OPN3: variants seen among roughly 807,000 people sequenced by gnomAD.
OPN3 encodes opsin 3.
OPN3 carries 29 observed loss-of-function variants against 33.8 expected under a neutral mutation model. That is an observed-to-expected ratio of 0.86 (90% CI 0.64 to 1.17). OPN3 has a LOEUF of 1.17. OPN3 is among the 50% of genes most tolerant of loss of function. OPN3 has a pLI of 0.00. For synonymous variants in OPN3, 216 were observed against 216.1 expected (o/e 1.00, Z 0.00); for missense variants, 437 against 514.1 (o/e 0.85, Z 1.45).
intron 1 of OPN3, among the ~76,000 whole-genome samples, chr1:241,626,161 G>A (rs948131538): frequency 3.3e-5 from 5 of 152,142 alleles, no homozygotes; most frequent in Admixed American, 2.0e-4. Flanking sequence ...CTATGATTGC[G>A]ATATATTTTA....
At position 241,634,201 on chromosome 1, in the gene OPN3, T is replaced by A; in HGVS notation, c.373+5681A>T. ...TGAATAATTTCTTCACCACTGATTCTAAGTCTTCTCTTGCTGTTTTAGAAG... is the reference window on the plus strand; with the variant it reads ...TGAATAATTTCTTCACCACTGATTCAAAGTCTTCTCTTGCTGTTTTAGAAG... On this transcript the variant is annotated intron_variant, in intron 1 of 3. Coordinates refer to ENST00000366554, the MANE Select transcript of OPN3 (RefSeq NM_014322.3). 4 of 1,614,038 alleles carry A rather than the reference T, an allele frequency of 2.5e-6. No individual in the cohort carries two copies. The Admixed American group carries it at 5.0e-5, about 20-fold the overall frequency.
At chr1:241,636,191 A>T (rs1387706456) in intron 1 of OPN3, 1 of 399,834 alleles carries the variant, frequency 2.5e-6, no homozygotes, top group East Asian at 3.6e-5. Flanking sequence ...AACCTCTACT[A>T]AAGCATGTCT....
intron 1 of OPN3, among the ~76,000 whole-genome samples, chr1:241,613,262 T>C (rs1171846366): frequency 2.0e-5 from 3 of 152,198 alleles, no homozygotes; most frequent in African/African-American, 7.2e-5. Context: ...TCTCACTTAA[T>C]CTTCATAACA....
At chr1:241,632,479 T>TCATC (rs904789814) in intron 1 of OPN3, 3 of 152,042 alleles carry the variant, frequency 2.0e-5, no homozygotes, top group African/African-American at 7.2e-5. Flanking sequence ...GTCACAGGGA[T>TCATC]CATCATACTC....
At chr1:241,601,467 G>A (rs1446667139) in intron 2 of OPN3, among the ~76,000 whole-genome samples, 5 of 152,054 alleles carry the variant, frequency 3.3e-5, no homozygotes, top group Admixed American at 6.5e-5. Flanking sequence ...CACTTTGGGA[G>A]GCCAAGGCGG....
At position 241,639,987 on chromosome 1, in the gene OPN3, C is replaced by G; in HGVS notation, c.268G>C (p.Val90Leu). 6.2e-7 allele frequency: 1 copy of G among 1,612,724 alleles called. No homozygotes were observed. The highest frequency in any genetic ancestry group is 8.5e-7 in the Non-Finnish European group (1 of 1,179,472). ...GTAAAGGTGACCCCGAAGAGGGACA[C>G]CAGCAGGTCGCTGAGGCTGATGTTG... is the stretch of plus-strand genomic sequence containing the variant. The part of the protein sequence containing the change: ...LVNISLSDLL[V>L]SLFGVTFTFV... The change falls in exon 1 of 4, where the codon GTG (valine) becomes CTG (leucine). Residue 90 changes from valine (V) to leucine (L), a missense_variant. Physicochemically the swap from Val to Leu is conservative, Grantham distance 32. Coordinates refer to ENST00000366554, the MANE Select transcript of OPN3 (RefSeq NM_014322.3).
Position 241,639,890 on chromosome 1 carries a change from C to A in OPN3, c.365G>T (p.Ser122Ile). ...CTCCCAGTCCAACTCACCGAAGAGG[C>A]TGCCGCTAAACCCGTCCCACACGCA... ...VGCVWDGFSG[S>I]LFGIVSIATL... Residue 122 changes from serine (S) to isoleucine (I), a missense_variant, in exon 1 of 4, where the codon AGC becomes ATC. Coordinates refer to ENST00000366554, the MANE Select transcript of OPN3 (RefSeq NM_014322.3). 1 of 1,577,042 alleles carries A rather than the reference C, an allele frequency of 6.3e-7. No individual in the cohort carries two copies. Among genetic ancestry groups the A allele is most frequent in the Non-Finnish European group, 8.6e-7 (1 of 1,161,014 alleles).
intron 3 of OPN3, among the ~76,000 whole-genome samples, chr1:241,596,227 G>T (rs556580740): frequency 6.6e-6 from 1 of 152,312 alleles, no homozygotes; most frequent in East Asian, 1.9e-4. Context: ...TGTTGAGAGG[G>T]TGGTCCCTAA....
At chr1:241,618,121 C>T (rs1335193204) in intron 1 of OPN3, among the ~76,000 whole-genome samples, 1 of 152,120 alleles carries the variant, frequency 6.6e-6, no homozygotes, top group Non-Finnish European at 1.5e-5. Context: ...GTTCCCAGAC[C>T]CATTCACATT....
intron 1 of OPN3, among the ~76,000 whole-genome samples, chr1:241,610,089 G>T (rs1399625284): frequency 3.3e-5 from 5 of 152,182 alleles, no homozygotes; most frequent in Non-Finnish European, 7.3e-5. Flanking sequence ...ACCCCCCAGC[G>T]GTTTTGAAGA....
At chr1:241,621,141 T>C (rs1664262112) in intron 1 of OPN3, among the ~76,000 whole-genome samples, 2 of 152,128 alleles carry the variant, frequency 1.3e-5, no homozygotes, top group South Asian at 2.1e-4. Context: ...AAAACAAATA[T>C]AGAAATACCA....
chr1:241,601,338 T>G lies in OPN3; in HGVS notation c.693+2922A>C, dbSNP rs956587853. 9.3e-5 allele frequency among the ~76,000 whole-genome samples: 14 copies of G among 150,046 alleles called. No individual in the cohort carries two copies. The East Asian group carries it at 2.7e-3, about 29-fold the overall frequency. On this transcript the variant is annotated intron_variant, in intron 2 of 3. Coordinates refer to ENST00000366554, the MANE Select transcript of OPN3 (RefSeq NM_014322.3). Reference sequence around the variant, plus strand: ...AGAATGGAATAGAGGAAAGCAAAAATTTTAAAAAGGAGAACTAAGTTTTTT... The same window carrying G: ...AGAATGGAATAGAGGAAAGCAAAAAGTTTAAAAAGGAGAACTAAGTTTTTT...
At chr1:241,596,114 G>T (rs1331758693) in intron 3 of OPN3, among the ~76,000 whole-genome samples, 1 of 152,218 alleles carries the variant, frequency 6.6e-6, no homozygotes, top group Non-Finnish European at 1.5e-5. Flanking sequence ...ATTTCCAGGT[G>T]TGGTGTATGC....
At chr1:241,627,112 A>G (rs974294348) in intron 1 of OPN3, among the ~76,000 whole-genome samples, 1 of 152,184 alleles carries the variant, frequency 6.6e-6, no homozygotes, top group African/African-American at 2.4e-5. Context: ...GCAGGGACCA[A>G]TGAAGGTATT....
Position 241,594,139 on chromosome 1 carries a change from AT to A in OPN3, c.*288del. 1 of 329,080 alleles carries A rather than the reference AT, an allele frequency of 3.0e-6. No individual in the cohort carries two copies. The highest frequency in any genetic ancestry group is 5.4e-5 in the East Asian group (1 of 18,472). The allele number at this position is 329,080 out of a possible 1,614,324, so 20.4% of individuals were successfully genotyped here. The stretch of plus-strand genomic sequence containing the variant: ...TTTGGAAAATAGAGTAATTTAAAAA[AT>A]ATATTTGAAATGAAAATCTCCAACA... On this transcript the variant is annotated 3_prime_UTR_variant, in exon 4 of 4. Coordinates refer to ENST00000366554, the MANE Select transcript of OPN3 (RefSeq NM_014322.3).
At chr1:241,610,532 C>T (rs1345215763) in intron 1 of OPN3, among the ~76,000 whole-genome samples, 1 of 152,184 alleles carries the variant, frequency 6.6e-6, no homozygotes, top group Non-Finnish European at 1.5e-5. Context: ...TAAATGTCTA[C>T]TCTGTGCATC....
chr1:241,605,064 A>AT (rs1553354040), intron 1 of OPN3, among the ~76,000 whole-genome samples: 1 of 136,076 alleles, frequency 7.3e-6, no homozygotes. Flanking sequence ...TCAAAAAAAA[A>AT]AAAAATAAAA....
chr1:241,638,215 C>T (rs1295148793), intron 1 of OPN3, among the ~76,000 whole-genome samples: 1 of 152,052 alleles, frequency 6.6e-6, no homozygotes, highest in African/African-American at 2.4e-5. Context: ...AGGCAAAAAT[C>T]TAAGTGAACT....
chr1:241,627,220 C>T (rs1664444936), intron 1 of OPN3, among the ~76,000 whole-genome samples: 1 of 152,026 alleles, frequency 6.6e-6, no homozygotes. Flanking sequence ...TCGGAGTTGG[C>T]CCATTTTATT....
Sources: allele counts gnomAD v4.1 joint callset (sites outside exome capture counted in the v4.1 genomes callset), GRCh38; gene constraint gnomAD v4.1.1; transcripts MANE v1.5; gene names NCBI Gene and HGNC (gene_info 2026-07-23, HGNC 2026-07-21).